SH3GL3: variants seen among roughly 807,000 people sequenced by gnomAD.
The protein encoded by SH3GL3 is SH3 domain containing GRB2 like 3, endophilin A3.
In SH3GL3, 33 loss-of-function variants were observed where a neutral mutation model predicts 47.7. The observed-to-expected ratio is 0.69, with a 90% confidence interval of 0.52 to 0.92. SH3GL3 has a LOEUF of 0.92. SH3GL3 is among the 40% of genes least tolerant of loss of function. SH3GL3 has a pLI of 0.00. For missense variants in SH3GL3, 363 were observed against 417.8 expected, an observed-to-expected ratio of 0.87 and a Z score of 1.14; for synonymous variants, 155 against 148.8, an observed-to-expected ratio of 1.04 and a Z score of -0.30.
intron 1 of SH3GL3, among the ~76,000 whole-genome samples, chr15:83,456,389 C>T (rs1379419584): frequency 2.4e-4 from 11 of 46,162 alleles, no homozygotes; most frequent in Admixed American, 2.1e-3. Context: ...TGGGCAATGG[C>T]GGGCCCCCCT....
chr15:83,591,956 A>G (rs2060117630), intron 8 of SH3GL3, among the ~76,000 whole-genome samples: 1 of 152,172 alleles, frequency 6.6e-6, no homozygotes, highest in Admixed American at 6.5e-5. Flanking sequence ...TACAGCTGTG[A>G]GCCACCAGGC....
At chr15:83,566,764 T>G (rs2045567058) in intron 3 of SH3GL3, among the ~76,000 whole-genome samples, 1 of 152,108 alleles carries the variant, frequency 6.6e-6, no homozygotes, top group Non-Finnish European at 1.5e-5. Context: ...CAACAGTTGT[T>G]GTTTCAAAAC....
chr15:83,523,912 T>G, intron 1 of SH3GL3, among the ~76,000 whole-genome samples: 1 of 136,348 alleles, frequency 7.3e-6, no homozygotes, highest in East Asian at 2.1e-4. Context: ...TCCAAAAGAG[T>G]GAATGGGGAA....
At chr15:83,569,727 A>T (rs904218361) in intron 4 of SH3GL3, among the ~76,000 whole-genome samples, 2 of 152,224 alleles carry the variant, frequency 1.3e-5, no homozygotes, top group Non-Finnish European at 2.9e-5. Flanking sequence ...AGTATACAAA[A>T]ATGATATCTC....
At chr15:83,462,607 A>G (rs1421163351) in intron 1 of SH3GL3, among the ~76,000 whole-genome samples, 2 of 152,226 alleles carry the variant, frequency 1.3e-5, no homozygotes. Flanking sequence ...TGGCAGAACT[A>G]TTGCATAAAC....
At chr15:83,629,966 T>C in the SH3GL3 span, among the ~76,000 whole-genome samples, 5 of 152,224 alleles carry the variant, frequency 3.3e-5, no homozygotes, top group Non-Finnish European at 1.5e-5. Context: ...AATTTCCATA[T>C]GTCATGGGAG....
intron 1 of SH3GL3, among the ~76,000 whole-genome samples, chr15:83,463,708 C>G (rs954156228): frequency 6.6e-6 from 1 of 151,768 alleles, no homozygotes; most frequent in Admixed American, 6.6e-5. Context: ...CTCTTCACCC[C>G]TGTCCTATTT....
intron 8 of SH3GL3, among the ~76,000 whole-genome samples, chr15:83,616,058 C>A (rs1193078556): frequency 6.6e-6 from 1 of 150,958 alleles, no homozygotes; most frequent in Non-Finnish European, 1.5e-5. Context: ...GCACAAACTT[C>A]AAAAACAAAA....
chr15:83,520,281 A>G (rs1351991043), intron 1 of SH3GL3, among the ~76,000 whole-genome samples: 1 of 152,188 alleles, frequency 6.6e-6, no homozygotes, highest in Non-Finnish European at 1.5e-5. Context: ...GAGACACTAT[A>G]TCTTCTAAGA....
intron 1 of SH3GL3, among the ~76,000 whole-genome samples, chr15:83,546,582 C>G (rs2044410252): frequency 6.6e-6 from 1 of 152,046 alleles, no homozygotes; most frequent in Admixed American, 6.5e-5. Flanking sequence ...CTTCCCTTTC[C>G]TTTCTTCAAG....
intron 1 of SH3GL3, chr15:83,488,358 C>A: frequency 6.6e-6 from 1 of 152,224 alleles, no homozygotes; most frequent in Middle Eastern, 3.2e-3. Flanking sequence ...AGGCTGAGTT[C>A]TTGCCTAGGA....
chr15:83,632,304 T>C, the SH3GL3 span, among the ~76,000 whole-genome samples: 3 of 152,208 alleles, frequency 2.0e-5, no homozygotes, highest in Non-Finnish European at 4.4e-5. Flanking sequence ...CCAAAATTGC[T>C]TCCACATTTT....
chr15:83,536,873 A>T (rs908102660), intron 1 of SH3GL3, among the ~76,000 whole-genome samples: 6 of 152,132 alleles, frequency 3.9e-5, no homozygotes, highest in Non-Finnish European at 8.8e-5. Flanking sequence ...CTATACTTTG[A>T]TTATCTCTGT....
chr15:83,577,984 C>A (rs906616785), intron 6 of SH3GL3, among the ~76,000 whole-genome samples: 3 of 152,212 alleles, frequency 2.0e-5, no homozygotes, highest in African/African-American at 7.2e-5. Context: ...ACATTGAGGA[C>A]ACAAAAGCAT....
chr15:83,535,335 T>C (rs567841310), intron 1 of SH3GL3, among the ~76,000 whole-genome samples: 1 of 152,344 alleles, frequency 6.6e-6, no homozygotes, highest in African/African-American at 2.4e-5. Context: ...TTGAGGAGAA[T>C]GACGTACATT....
chr15:83,602,321 T>G (rs1293998531), intron 8 of SH3GL3, among the ~76,000 whole-genome samples: 4 of 152,214 alleles, frequency 2.6e-5, no homozygotes, highest in African/African-American at 9.6e-5. Flanking sequence ...TTAGTTTGTT[T>G]GGGCTGCTGT....
At position 83,559,294 on chromosome 15, in the gene SH3GL3, A is replaced by T. The variant is rs767889608; in HGVS notation, c.87A>T (p.Leu29=). ...EKISGAEGTK[L]DDEFLDMERK... is the part of the protein sequence containing the mutation. Reference sequence around the variant, plus strand: ...TAAGTGGTGCTGAAGGAACTAAACTAGACGATGAATTTCTTGACATGGAAA... The same window carrying T: ...TAAGTGGTGCTGAAGGAACTAAACTTGACGATGAATTTCTTGACATGGAAA... Residue 29 remains leucine, a synonymous_variant, in exon 2 of 9, where the codon CTA becomes CTT. Transcript: ENST00000427482. The T allele has an allele frequency of 4.1e-5, 66 of 1,593,418 alleles. No individual in the cohort carries two copies. The highest frequency in any genetic ancestry group is 5.4e-5 in the Non-Finnish European group (63 of 1,161,264).
intron 1 of SH3GL3, among the ~76,000 whole-genome samples, chr15:83,456,957 G>A (rs1271404970): frequency 2.6e-5 from 4 of 152,120 alleles, no homozygotes; most frequent in African/African-American, 9.7e-5. Flanking sequence ...AATACAAATA[G>A]CATAGATATG....
At chr15:83,596,431 T>C (rs1415855670) in intron 8 of SH3GL3, among the ~76,000 whole-genome samples, 1 of 152,296 alleles carries the variant, frequency 6.6e-6, no homozygotes, top group South Asian at 2.1e-4. Context: ...TCTTGCTGAT[T>C]TTTTGGTCTA....
Sources: gnomAD v4.1 joint callset for allele counts (sites outside exome capture counted in the v4.1 genomes callset) on GRCh38, gnomAD v4.1.1 for gene constraint, MANE v1.5 for transcripts, NCBI Gene and HGNC (gene_info 2026-07-23, HGNC 2026-07-21) for gene names.